TPM3: variants seen among roughly 807,000 people sequenced by gnomAD.
TPM3 encodes the protein tropomyosin 3.
In TPM3, 16 loss-of-function variants were observed where a neutral mutation model predicts 43.1. The observed-to-expected ratio is 0.37, with a 90% CI of 0.25 to 0.56. TPM3 has a LOEUF of 0.56. Among genes scored for constraint, TPM3 ranks in the 20% least tolerant of loss-of-function variants. TPM3 has a pLI of 0.77. For missense variants in TPM3, 176 were observed against 337.2 expected (o/e 0.52, Z 3.74); for synonymous variants, 101 against 116.9 (o/e 0.86, Z 0.88).
chr1:154,190,761 G>A (rs1244023729), intron 2 of TPM3, among the ~76,000 whole-genome samples: 1 of 152,156 alleles, frequency 6.6e-6, no homozygotes, highest in African/African-American at 2.4e-5. Flanking sequence ...AGCTGGTTTT[G>A]TTGGACAGTT....
intron 2 of TPM3, among the ~76,000 whole-genome samples, 165 bp from the exon 3 acceptor site, chr1:154,176,413 A>C (rs557235719): frequency 6.7e-6 from 1 of 150,128 alleles, no homozygotes; most frequent in Non-Finnish European, 1.5e-5. Context: ...ATAACTTTAT[A>C]TATATATATT....
intron 2 of TPM3, chr1:154,187,488 T>C (rs1365257112): frequency 1.0e-6 from 1 of 984,570 alleles, no homozygotes; most frequent in Non-Finnish European, 1.2e-6. Flanking sequence ...AACCCTCACT[T>C]TACATATTTA....
chr1:154,186,597 A>G (rs1663420295), intron 2 of TPM3, among the ~76,000 whole-genome samples: 1 of 151,468 alleles, frequency 6.6e-6, no homozygotes, highest in Non-Finnish European at 1.5e-5. Context: ...CTATGTCCTA[A>G]CAATGCACTC....
chr1:154,183,469 A>G, intron 2 of TPM3: 2 of 491,970 alleles, frequency 4.1e-6, no homozygotes, highest in South Asian at 4.1e-5. Context: ...GCTGCCCACA[A>G]TGGTTGGCCC....
At chr1:154,170,321 TACAGAAAA>T in intron 8 of TPM3, 71 bp downstream of exon 8, 1 of 1,500,084 alleles carries the variant, frequency 6.7e-7, no homozygotes. Flanking sequence ...TCCTTTGGTG[TACAGAAAA>T]AGAGATTAAT....
chr1:154,170,593 T>C, intron 7 of TPM3, 56 bp downstream of exon 7: 2 of 1,592,774 alleles, frequency 1.3e-6, no homozygotes, highest in Non-Finnish European at 1.7e-6. Context: ...TCCATATTAA[T>C]GCCTTATATA....
chr1:154,191,140 T>C (rs1416706402), intron 2 of TPM3, 46 bp downstream of exon 2: 1 of 1,613,688 alleles, frequency 6.2e-7, no homozygotes, highest in East Asian at 2.2e-5. Context: ...AACATAAAGA[T>C]CTATATGTGT....
chr1:154,170,332 AGATTAAT>A (rs1353015725), intron 8 of TPM3, 61 bp downstream of exon 8: 1 of 1,544,466 alleles, frequency 6.5e-7, no homozygotes, highest in Non-Finnish European at 8.9e-7. Context: ...ACAGAAAAAG[AGATTAAT>A]GGTTAATGGG....
intron 2 of TPM3, among the ~76,000 whole-genome samples, chr1:154,188,674 CAAA>C (rs572467862): frequency 1.7e-5 from 1 of 59,520 alleles, no homozygotes; most frequent in Non-Finnish European, 3.6e-5. Context: ...GACTCCGTCT[CAAA>C]AAAAAAAAAA....
At chr1:154,174,405 T>G in intron 3 of TPM3, among the ~76,000 whole-genome samples, 1 of 89,530 alleles carries the variant, frequency 1.1e-5, no homozygotes, top group African/African-American at 5.4e-5. Flanking sequence ...TATATATATA[T>G]ATACACACAA....
At chr1:154,179,957 G>A (rs1464027963) in intron 2 of TPM3, among the ~76,000 whole-genome samples, 1 of 151,966 alleles carries the variant, frequency 6.6e-6, no homozygotes, top group African/African-American at 2.4e-5. Context: ...AAGGTGAACT[G>A]TACATTTATA....
chr1:154,164,092 G>GT lies in TPM3; in HGVS notation c.*3844dup, dbSNP rs1323122608. 6.6e-6 allele frequency among the ~76,000 whole-genome samples: 1 copy of GT among 151,996 alleles called. No individual in the cohort carries two copies. The highest frequency in any genetic ancestry group is 1.5e-5 in the Non-Finnish European group (1 of 67,996). On this transcript the variant is annotated 3_prime_UTR_variant, in exon 10 of 10. Coordinates refer to ENST00000651641, the MANE Select transcript of TPM3 (RefSeq NM_152263.4). ...CCAGATACCTGCCAGATTGTCAGCC[G>GT]TATCTTCTTTCCCTTCCCCCAGCTC...
downstream of TPM3, among the ~76,000 whole-genome samples, chr1:154,160,621 G>A (rs1660253130): frequency 1.3e-5 from 2 of 152,100 alleles, no homozygotes; most frequent in South Asian, 4.1e-4. Context: ...AGTATGTATG[G>A]GAGGTTTTGA....
At chr1:154,172,191 CA>C (rs776396951) in intron 5 of TPM3, 2 of 1,359,024 alleles carry the variant, frequency 1.5e-6, no homozygotes, top group Non-Finnish European at 1.1e-6. Context: ...AAACAAGCAG[CA>C]AAACGAAAAA....
chr1:154,170,583 T>A (rs1031673298), intron 7 of TPM3, 66 bp downstream of exon 7: 1 of 1,592,322 alleles, frequency 6.3e-7, no homozygotes. Flanking sequence ...CCAGTTTAAA[T>A]CCATATTAAT....
downstream of TPM3, chr1:154,157,789 G>C: frequency 2.6e-6 from 2 of 778,898 alleles, no homozygotes; most frequent in South Asian, 2.7e-5. Context: ...CGCTCTTTGA[G>C]ACTTGCTCCT....
At chr1:154,169,606 G>C in intron 8 of TPM3, 1 of 600,924 alleles carries the variant, frequency 1.7e-6, no homozygotes, top group Non-Finnish European at 3.0e-6. Context: ...CTGCAGCAAG[G>C]GCTGAGAACC....
In TPM3 at chr1:154,166,514, C is replaced by A. The variant is rs773694305; in HGVS notation, c.*1423G>T. 3.8e-6 allele frequency: 4 copies of A among 1,054,514 alleles called. No individual in the cohort carries two copies. In the South Asian group the frequency reaches 1.8e-4, roughly 48 times the overall value. 65.3% of individuals were successfully genotyped at this position (1,054,514 alleles called of 1,614,324 possible). ...CCTCCTGCCTCAGCCTCCCAAGAAG[C>A]TACAGGCAGTACAGGCAAGTGCCAT... On this transcript the variant is annotated 3_prime_UTR_variant, in exon 10 of 10. Transcript: ENST00000651641.
At chr1:154,156,017 G>T (rs773832804), downstream of TPM3, 7 of 180,496 alleles carry the variant, frequency 3.9e-5, no homozygotes, top group Non-Finnish European at 5.9e-5. Flanking sequence ...ATCACCTGAA[G>T]GTCAGGAGTT....
Sources: gnomAD v4.1 joint callset for allele counts (sites outside exome capture counted in the v4.1 genomes callset) on GRCh38, gnomAD v4.1.1 for gene constraint, MANE v1.5 for transcripts, NCBI Gene and HGNC (gene_info 2026-07-23, HGNC 2026-07-21) for gene names.